The following ANKRD6 variants were observed in gnomAD, a reference collection of about 807,000 sequenced individuals.
The protein encoded by ANKRD6 is ankyrin repeat domain-containing protein 6.
A neutral mutation model predicts 82.3 loss-of-function variants in ANKRD6; 56 were observed. The ratio of observed to expected loss-of-function variants is 0.68; its 90% CI spans 0.55 to 0.85. The LOEUF (loss-of-function observed/expected upper bound fraction) is 0.85, where lower values mean the gene tolerates loss of function less well. Among genes scored for constraint, ANKRD6 ranks in the 40% least tolerant of loss-of-function variants. The pLI, the probability that ANKRD6 is intolerant of heterozygous loss-of-function variation, is 0.00. For missense variants in ANKRD6, 852 were observed against 907.6 expected (o/e 0.94, Z 0.79); for synonymous variants, 347 against 352.1 (o/e 0.99, Z 0.16).
rs3186412 is a variant in ANKRD6, at chr6:89,632,330, T to C, written c.*1326T>C. The C allele has an allele frequency of 6.6e-6, 1 of 151,028 alleles. No individual in the cohort carries two copies. Among genetic ancestry groups the C allele is most frequent in the Non-Finnish European group, 1.5e-5 (1 of 67,894 alleles). 9.4% of individuals were successfully genotyped at this position (151,028 alleles called of 1,614,324 possible). A position where few individuals can be genotyped will look rare whatever the true frequency, so the allele number is the denominator to read the frequency against. ...CAGTTTTAGGGTTTTTTCTTTTTTT[T>C]ATAGTGACAATCCATAGATATAGAC... On this transcript the variant is annotated 3_prime_UTR_variant, in exon 16 of 16. Transcript: ENST00000339746.
chr6:89,618,881 C>T (rs1338064973), intron 9 of ANKRD6, among the ~76,000 whole-genome samples: 1 of 152,058 alleles, frequency 6.6e-6, no homozygotes, highest in Non-Finnish European at 1.5e-5. Context: ...TAGGTTATTT[C>T]CAGATTGGCA....
chr6:89,594,781 T>G (rs1285090884), intron 2 of ANKRD6, among the ~76,000 whole-genome samples: 1 of 152,198 alleles, frequency 6.6e-6, no homozygotes, highest in Non-Finnish European at 1.5e-5. Context: ...CTTGCTCTGT[T>G]GCCCAGGCTG....
At chr6:89,444,118 CT>C (rs1471262120) in intron 1 of ANKRD6, among the ~76,000 whole-genome samples, 3 of 152,152 alleles carry the variant, frequency 2.0e-5, no homozygotes, top group Non-Finnish European at 4.4e-5. Context: ...AAAGAAAGAG[CT>C]TTGATGAGAG....
chr6:89,563,926 C>G (rs1036749611), intron 1 of ANKRD6, among the ~76,000 whole-genome samples: 1 of 152,014 alleles, frequency 6.6e-6, no homozygotes, highest in African/African-American at 2.4e-5. Context: ...CTCTGCTGGG[C>G]CTGCACCCAC....
At chr6:89,587,207 AAG>A in intron 2 of ANKRD6, among the ~76,000 whole-genome samples, 1 of 150,474 alleles carries the variant, frequency 6.6e-6, no homozygotes, top group African/African-American at 2.5e-5. Flanking sequence ...AAAAAAAAAA[AAG>A]GCTGGGTGCA....
At chr6:89,493,632 C>T (rs577338819) in intron 1 of ANKRD6, among the ~76,000 whole-genome samples, 4 of 152,026 alleles carry the variant, frequency 2.6e-5, no homozygotes, top group African/African-American at 9.6e-5. Context: ...AGGCTGGTCT[C>T]GAACTCCTGG....
chr6:89,584,976 A>G (rs547262876), intron 2 of ANKRD6, among the ~76,000 whole-genome samples: 3 of 151,976 alleles, frequency 2.0e-5, no homozygotes, highest in African/African-American at 2.4e-5. Context: ...CCCTACCCTC[A>G]TTTCCTCATC....
chr6:89,483,940 G>C (rs1482490067), intron 1 of ANKRD6, among the ~76,000 whole-genome samples: 1 of 152,168 alleles, frequency 6.6e-6, no homozygotes, highest in African/African-American at 2.4e-5. Flanking sequence ...TTTTGAGACA[G>C]AGTCTCGTGC....
At chr6:89,537,315 A>T (rs1005163979) in intron 1 of ANKRD6, among the ~76,000 whole-genome samples, 1 of 152,286 alleles carries the variant, frequency 6.6e-6, no homozygotes, top group South Asian at 2.1e-4. Flanking sequence ...GTACAGTGAC[A>T]TACTTGTGAA....
At chr6:89,576,394 T>G (rs1263880697) in intron 2 of ANKRD6, among the ~76,000 whole-genome samples, 1 of 152,178 alleles carries the variant, frequency 6.6e-6, no homozygotes, top group African/African-American at 2.4e-5. Flanking sequence ...TTCATCATGT[T>G]GACAAACACA....
rs59064465 is a variant in ANKRD6 at position 89,533,727 on chromosome 6, A to AGTGTGTGTGT, written c.-143-33075_-143-33066dup. Among the ~76,000 whole-genome samples the AGTGTGTGTGT allele has an allele frequency of 1.4e-3, 193 of 142,110 alleles. 1 individual carries two copies. The highest frequency in any genetic ancestry group is 4.2e-3 in the African/African-American group (160 of 37,666). The allele number at this position is 142,110 out of a possible 152,430, so 93.2% of individuals were successfully genotyped here. On this transcript the variant is annotated intron_variant, in intron 1 of 15. Coordinates refer to ENST00000339746, the MANE Select transcript of ANKRD6 (RefSeq NM_001242809.2). ...GAGAGAGAGAGAGAGAGAGAAAATG[A>AGTGTGTGTGT]GTGTGTGTGTGTGTGTGTGTGTGTG...
At chr6:89,590,643 A>G (rs376431823) in intron 2 of ANKRD6, among the ~76,000 whole-genome samples, 7 of 152,332 alleles carry the variant, frequency 4.6e-5, no homozygotes, top group Admixed American at 3.3e-4. Flanking sequence ...AGGGTGAGAC[A>G]TGAAGCCCCT....
chr6:89,457,708 A>G (rs1224294303), intron 1 of ANKRD6, among the ~76,000 whole-genome samples: 1 of 152,228 alleles, frequency 6.6e-6, no homozygotes, highest in African/African-American at 2.4e-5. Context: ...ACTGGGAAAT[A>G]TTGTGACTCT....
intron 2 of ANKRD6, chr6:89,581,670 C>T (rs1410730431): frequency 6.6e-6 from 1 of 151,966 alleles, no homozygotes; most frequent in Non-Finnish European, 1.5e-5. Flanking sequence ...GGGGGAGTGA[C>T]TGATGGGAGG....
chr6:89,629,003 A>G (rs1806651314), intron 14 of ANKRD6, 109 bp from the exon 15 acceptor site: 1 of 1,258,808 alleles, frequency 7.9e-7, no homozygotes. Context: ...GGTATCCTCA[A>G]CTGTTATAAT....
intron 1 of ANKRD6, among the ~76,000 whole-genome samples, chr6:89,457,620 AT>A (rs1168387471): frequency 2.6e-5 from 4 of 152,154 alleles, no homozygotes; most frequent in Admixed American, 6.6e-5. Flanking sequence ...CAACTTTATC[AT>A]TTATTTAAGA....
At chr6:89,538,151 T>A (rs893340912) in intron 1 of ANKRD6, among the ~76,000 whole-genome samples, 2 of 152,246 alleles carry the variant, frequency 1.3e-5, no homozygotes, top group African/African-American at 2.4e-5. Context: ...TAAGTTTTTT[T>A]AATTGGGATC....
chr6:89,540,661 G>A (rs1784348011), intron 1 of ANKRD6, among the ~76,000 whole-genome samples: 1 of 152,128 alleles, frequency 6.6e-6, no homozygotes, highest in African/African-American at 2.4e-5. Flanking sequence ...CTTTGTGTTA[G>A]TTGCTTGTGC....
chr6:89,446,759 C>T (rs1271449298), intron 1 of ANKRD6, among the ~76,000 whole-genome samples: 1 of 152,132 alleles, frequency 6.6e-6, no homozygotes, highest in Non-Finnish European at 1.5e-5. Context: ...CCCATAATCC[C>T]CATGTGTCGT....
Sources: gnomAD v4.1 joint callset for allele counts (sites outside exome capture counted in the v4.1 genomes callset) on GRCh38, gnomAD v4.1.1 for gene constraint, MANE v1.5 for transcripts, NCBI Gene and HGNC (gene_info 2026-07-23, HGNC 2026-07-21) for gene names.